Variants in KMT2C observed in about 807,000 individuals in gnomAD.
KMT2C encodes histone-lysine N-methyltransferase 2C.
In KMT2C, 88 loss-of-function variants were observed where a neutral mutation model predicts 507.9. The ratio of observed to expected loss-of-function variants is 0.17; its 90% CI spans 0.15 to 0.21. The LOEUF is 0.21. Among genes scored for constraint, KMT2C ranks in the 10% least tolerant of loss-of-function variants. The pLI is 1.00. For synonymous variants in KMT2C, 2,049 were observed against 2,080.8 expected, an observed-to-expected ratio of 0.98 and a Z score of 0.42; for missense variants, 4,954 against 5,957.8, an observed-to-expected ratio of 0.83 and a Z score of 5.55.
intron 1 of KMT2C, among the ~76,000 whole-genome samples, chr7:152,430,218 T>C (rs1399312893): frequency 1.3e-5 from 2 of 151,746 alleles, no homozygotes; most frequent in Non-Finnish European, 2.9e-5. Context: ...ATCTCTATTC[T>C]ACTTCGTAAC....
At chr7:152,344,309 C>A (rs1227589253) in intron 2 of KMT2C, among the ~76,000 whole-genome samples, 29 of 152,170 alleles carry the variant, frequency 1.9e-4, no homozygotes, top group Admixed American at 1.9e-3. Context: ...TTCAATCATA[C>A]TAAGATGGCT....
intron 6 of KMT2C, among the ~76,000 whole-genome samples, chr7:152,287,354 T>G (rs965715031): frequency 6.6e-6 from 1 of 152,206 alleles, no homozygotes; most frequent in Non-Finnish European, 1.5e-5. Context: ...AAAGGTGTAA[T>G]GCAAGTCCAG....
Position 152,252,647 on chromosome 7 carries a change from A to G in KMT2C, c.1368T>C (p.Cys456=). ...TATCCTGCTGTTGGTAACAATTGTC[A>G]CATATCAGGCAATTGTGGTGCCACT... ...SSQWHHNCLI[C]DNCYQQQDNL... The change falls in exon 10 of 59, where the codon TGT becomes TGC. Residue 456 remains cysteine, a synonymous_variant. Coordinates refer to ENST00000262189, the MANE Select transcript of KMT2C (RefSeq NM_170606.3). 6.2e-7 allele frequency: 1 copy of G among 1,612,494 alleles called. No homozygotes were observed. Among genetic ancestry groups the G allele is most frequent in the Non-Finnish European group, 8.5e-7 (1 of 1,178,590 alleles).
intron 28 of KMT2C, among the ~76,000 whole-genome samples, chr7:152,195,324 T>C (rs979343152): frequency 6.6e-5 from 10 of 152,296 alleles, no homozygotes; most frequent in South Asian, 4.1e-4. Flanking sequence ...AAAGAAAAAC[T>C]ACTGAGAAAG....
Position 152,181,054 on chromosome 7 carries a change from G to C in KMT2C, c.6806C>G (p.Pro2269Arg), listed in dbSNP as rs2129119590. ...CCTAGGTGTCTGGGAACATGTATCA[G>C]GTGGCCTTACCAACGGGCCAGGTAA... ...PALPGPLVRP[P>R]DTCSQTPRPP... is the part of the protein sequence containing the mutation. Residue 2269 changes from proline to arginine, a missense_variant, in exon 36 of 59, where the codon CCT becomes CGT. Physicochemically the swap from Pro to Arg is moderately radical, Grantham distance 103. Around this residue, in one of 29 missense-constraint regions of KMT2C, gnomAD observed 1,689 missense variants for 1,654.3 expected, o/e 1.02. Transcript: ENST00000262189. The C allele has an allele frequency of 6.2e-7, 1 of 1,614,208 alleles. No homozygotes were observed. The highest frequency in any genetic ancestry group is 8.5e-7 in the Non-Finnish European group (1 of 1,180,044).
At chr7:152,203,361 C>T (rs541355398) in intron 25 of KMT2C, among the ~76,000 whole-genome samples, 2 of 151,176 alleles carry the variant, frequency 1.3e-5, no homozygotes, top group East Asian at 1.9e-4. Context: ...ATAATAAATA[C>T]CCAAAGCTCA....
intron 2 of KMT2C, among the ~76,000 whole-genome samples, chr7:152,341,897 G>A (rs902462161): frequency 2.0e-5 from 3 of 152,132 alleles, no homozygotes; most frequent in Admixed American, 6.5e-5. Context: ...ATAATTTGGG[G>A]TGTCCACTTT....
At chr7:152,391,169 C>CAAAAAAAA (rs1427160672) in intron 1 of KMT2C, among the ~76,000 whole-genome samples, 1 of 84,520 alleles carries the variant, frequency 1.2e-5, no homozygotes, top group African/African-American at 4.4e-5. Context: ...AAAAAAAAAG[C>CAAAAAAAA]CTTAAAATCT....
At chr7:152,232,783 TTAAG>T (rs1426894083) in intron 16 of KMT2C, among the ~76,000 whole-genome samples, 2 of 152,210 alleles carry the variant, frequency 1.3e-5, no homozygotes, top group African/African-American at 4.8e-5. Flanking sequence ...CAGTAAGAAA[TTAAG>T]TGACTACTAA....
rs1421751393 is a variant in KMT2C at position 152,176,402 on chromosome 7, T to G, written c.9051A>C (p.Thr3017=). Residue 3017 remains threonine, a synonymous_variant, in exon 38 of 59, where the codon ACA becomes ACC. Transcript: ENST00000262189. ...ACATGCTACTGGTACCAGACTGACT[T>G]GTTTGAGGCCCAGTTTGAGTTGCAG... The part of the protein sequence containing the change: ...GKPATQTGPQ[T]SQSGTSSMSG... 3.1e-6 allele frequency: 5 copies of G among 1,614,036 alleles called. No individual in the cohort carries two copies. The highest frequency in any genetic ancestry group is 4.2e-6 in the Non-Finnish European group (5 of 1,180,034).
chr7:152,311,734 A>T, intron 5 of KMT2C, 64 bp downstream of exon 5: 1 of 1,204,988 alleles, frequency 8.3e-7, no homozygotes, highest in Non-Finnish European at 1.2e-6. Context: ...GGACATTAAT[A>T]ATGTATTAAA....
intron 6 of KMT2C, among the ~76,000 whole-genome samples, chr7:152,306,950 GGAGATA>G (rs1323639506): frequency 2.0e-5 from 3 of 152,162 alleles, no homozygotes; most frequent in Non-Finnish European, 4.4e-5. Context: ...CTTAAGCTCA[GGAGATA>G]GAGACTAGCC....
In KMT2C at chr7:152,139,759, C is replaced by G. The variant is rs1169599565; in HGVS notation, c.14376G>C (p.Glu4792Asp). The G allele has an allele frequency of 6.8e-6, 11 of 1,614,008 alleles. No homozygotes were observed. The highest frequency in any genetic ancestry group is 9.3e-6 in the Non-Finnish European group (11 of 1,179,986). ...TGTACTCAATGACCATGGTGTGTTT[C>G]TCAATGTCTCGAGCAGCATACAGGC... Reference protein sequence around the residue: ...GLGLYAARDIEKHTMVIEYIG... With the variant: ...GLGLYAARDIDKHTMVIEYIG... The change falls in exon 56 of 59, where the codon GAG becomes GAC. Residue 4792 changes from glutamate (E) to aspartate (D), a missense_variant. Physicochemically the swap from Glu to Asp is conservative, Grantham distance 45. Coordinates refer to ENST00000262189, the MANE Select transcript of KMT2C (RefSeq NM_170606.3).
chr7:152,219,705 T>C (rs191755032), intron 23 of KMT2C, among the ~76,000 whole-genome samples: 241 of 152,322 alleles, frequency 1.6e-3, no homozygotes, highest in Non-Finnish European at 2.6e-3. Flanking sequence ...TAATCCTCTT[T>C]AACTCATATT....
intron 6 of KMT2C, among the ~76,000 whole-genome samples, chr7:152,275,698 A>G (rs557783338): frequency 6.6e-6 from 1 of 152,358 alleles, no homozygotes; most frequent in African/African-American, 2.4e-5. Context: ...CAGAACCCAG[A>G]ATTAACTACA....
intron 2 of KMT2C, among the ~76,000 whole-genome samples, chr7:152,331,710 G>A (rs1015162431): frequency 2.8e-5 from 4 of 142,996 alleles, no homozygotes; most frequent in African/African-American, 7.9e-5. Flanking sequence ...ATGCAATGGC[G>A]CGATCTCGAC....
rs1031752487 is a variant in KMT2C at position 152,368,413 on chromosome 7, A to C, written c.162-9738T>G. The C allele has an allele frequency of 4.6e-5, 52 of 1,130,736 alleles. No homozygotes were observed. In the East Asian group the frequency reaches 1.1e-3, roughly 24 times the overall value. 70.0% of individuals were successfully genotyped at this position (1,130,736 alleles called of 1,614,324 possible). ...TGCAGCTAAAATGAAGAAGATAGAG[A>C]TGGAGATGGAGCAGGTGTTAGAGAT... On this transcript the variant is annotated intron_variant, in intron 1 of 58. Transcript: ENST00000262189.
At chr7:152,238,564 A>G (rs1333206826) in intron 15 of KMT2C, 143 bp downstream of exon 15, 1 of 626,018 alleles carries the variant, frequency 1.6e-6, no homozygotes, top group Admixed American at 3.8e-5. Context: ...CAAGCATATT[A>G]TTTCTTTACA....
rs2090237183 is a variant in KMT2C, at chr7:152,139,251, A to G, written c.14469T>C (p.Gly4823=). The G allele has an allele frequency of 2.5e-6, 4 of 1,613,374 alleles. No homozygotes were observed. In the Admixed American group the frequency reaches 6.7e-5, roughly 27 times the overall value. The part of the protein sequence containing the change: ...KEKLYESQNR[G]VYMFRMDNDH... Reference sequence around the variant, plus strand: ...CGTTATCCATGCGGAACATGTACACACCACGGTTCTGAGGGAAAAGTCAGT... The same window carrying G: ...CGTTATCCATGCGGAACATGTACACGCCACGGTTCTGAGGGAAAAGTCAGT... The change falls in exon 57 of 59, where the codon GGT becomes GGC. Residue 4823 remains glycine, a synonymous_variant. Coordinates refer to ENST00000262189, the MANE Select transcript of KMT2C (RefSeq NM_170606.3).
Sources: allele counts gnomAD v4.1 joint callset (sites outside exome capture counted in the v4.1 genomes callset), GRCh38; gene constraint gnomAD v4.1.1; regional missense constraint gnomAD v4.1.1; transcripts MANE v1.5; gene names NCBI Gene and HGNC (gene_info 2026-07-23, HGNC 2026-07-21).